The following ATP5MG variants were observed in gnomAD, a reference collection of about 807,000 sequenced individuals.
The protein encoded by ATP5MG is ATP synthase membrane subunit g.
A neutral mutation model predicts 12.7 loss-of-function variants in ATP5MG; 7 were observed. That is an observed-to-expected ratio of 0.55 (90% CI 0.31 to 1.04). The LOEUF is 1.04. Among genes scored for constraint, ATP5MG ranks in the 50% least tolerant of loss-of-function variants. The pLI, the probability that ATP5MG is intolerant of heterozygous loss-of-function variation, is 0.05. For synonymous variants in ATP5MG, 53 were observed against 48.2 expected, an observed-to-expected ratio of 1.10 and a Z score of -0.41; for missense variants, 116 against 126.7, an observed-to-expected ratio of 0.92 and a Z score of 0.41.
At chr11:118,405,680 T>C in intron 1 of ATP5MG, 4 of 985,408 alleles carry the variant, frequency 4.1e-6, no homozygotes, top group Non-Finnish European at 4.8e-6. Flanking sequence ...TGTTTGGAAC[T>C]ATCTCTTAGA....
intron 1 of ATP5MG, among the ~76,000 whole-genome samples, chr11:118,402,311 TC>T (rs1948935078): frequency 1.3e-5 from 2 of 152,016 alleles, no homozygotes; most frequent in South Asian, 4.2e-4. Context: ...TAGGACGGGA[TC>T]CGTATAAACA....
intron 1 of ATP5MG, among the ~76,000 whole-genome samples, chr11:118,404,864 CATTT>C (rs1326110419): frequency 6.6e-6 from 1 of 152,160 alleles, no homozygotes; most frequent in Non-Finnish European, 1.5e-5. Context: ...GTCTCTTCTC[CATTT>C]ATTTATCCAG....
Position 118,406,951 on chromosome 11 carries a change from T to C in ATP5MG, c.67T>C (p.Ser23Pro), listed in dbSNP as rs782180381. The part of the protein sequence containing the change: ...PALVNAAVTY[S>P]KPRLATFWYY... ...TTGTTTTCCAGCTGCTGTGACTTAC[T>C]CGAAGCCTCGATTGGCCACATTTTG... Residue 23 changes from serine (S) to proline (P), a missense_variant, in exon 2 of 3, where the codon TCG (serine) becomes CCG (proline). Physicochemically the swap from Ser to Pro is moderately conservative, Grantham distance 74. Coordinates refer to ENST00000300688, the MANE Select transcript of ATP5MG (RefSeq NM_006476.5). The C allele has an allele frequency of 3.2e-5, 51 of 1,608,736 alleles. No individual in the cohort carries two copies. The highest frequency in any genetic ancestry group is 4.2e-5 in the Non-Finnish European group (50 of 1,177,496).
intron 1 of ATP5MG, chr11:118,406,696 T>C (rs527371626): frequency 8.0e-5 from 42 of 526,914 alleles, no homozygotes; most frequent in African/African-American, 7.8e-4. Context: ...ACTGGCATAA[T>C]TGAATGTGCT....
chr11:118,403,422 G>T (rs954809501), intron 1 of ATP5MG, among the ~76,000 whole-genome samples: 1 of 152,132 alleles, frequency 6.6e-6, no homozygotes, highest in Non-Finnish European at 1.5e-5. Flanking sequence ...CTTGAACCCC[G>T]GAGGCGGAGG....
rs948271167 is a variant in ATP5MG, at chr11:118,405,697, T to G, written c.53-1240T>G. On this transcript the variant is annotated intron_variant, in intron 1 of 2. Transcript: ENST00000300688. The stretch of plus-strand genomic sequence containing the variant: ...TTTGGAACTATCTCTTAGAGCTTTG[T>G]GTCTGCTTAAAGGTATGCCCATATC... 4 of 985,250 alleles carry G rather than the reference T, an allele frequency of 4.1e-6. No individual in the cohort carries two copies. The African/African-American group carries it at 7.0e-5, about 17-fold the overall frequency. The allele number at this position is 985,250 out of a possible 1,614,324, so 61.0% of individuals were successfully genotyped here. A position where few individuals can be genotyped will look rare whatever the true frequency, so the allele number is the denominator to read the frequency against.
rs557394755 is a variant in ATP5MG at position 118,403,081 on chromosome 11, C to T, written c.52+1364C>T. ...TTGAAGGCTGTCCTGCAGAACCTCA[C>T]AGCCTACTAGTGAAACATTTTACAC... On this transcript the variant is annotated intron_variant, in intron 1 of 2. Transcript: ENST00000300688. 6.6e-5 allele frequency among the ~76,000 whole-genome samples: 10 copies of T among 152,330 alleles called. No homozygotes were observed. In the South Asian group the frequency reaches 1.9e-3, roughly 28 times the overall value.
intron 2 of ATP5MG, among the ~76,000 whole-genome samples, chr11:118,408,186 G>A (rs543449354): frequency 3.5e-4 from 54 of 152,166 alleles, no homozygotes; most frequent in African/African-American, 1.2e-3. Flanking sequence ...GGAAAGAAAA[G>A]AACTGGAACT....
At chr11:118,404,701 T>C (rs1948957635) in intron 1 of ATP5MG, among the ~76,000 whole-genome samples, 1 of 152,244 alleles carries the variant, frequency 6.6e-6, no homozygotes, top group Non-Finnish European at 1.5e-5. Context: ...GTTCCTCTAC[T>C]GTAAAGTTAC....
In ATP5MG at chr11:118,407,029, G is replaced by T; in HGVS notation, c.145G>T (p.Ala49Ser). 1 of 1,614,094 alleles carries T rather than the reference G, an allele frequency of 6.2e-7. No homozygotes were observed. The highest frequency in any genetic ancestry group is 8.5e-7 in the Non-Finnish European group (1 of 1,179,978). ...VPPTPAEIPR[A>S]IQSLKKIVNS... ...TCCCACCCCTGCTGAGATCCCTAGAGCTATTCAGAGCCTGAAAAAAATAGT... is the reference window on the plus strand; with the variant it reads ...TCCCACCCCTGCTGAGATCCCTAGATCTATTCAGAGCCTGAAAAAAATAGT... The change falls in exon 2 of 3, where the codon GCT (alanine) becomes TCT (serine). Residue 49 changes from alanine (A) to serine (S), a missense_variant. Coordinates refer to ENST00000300688, the MANE Select transcript of ATP5MG (RefSeq NM_006476.5).
chr11:118,404,235 A>G (rs1555131712), intron 1 of ATP5MG, among the ~76,000 whole-genome samples: 1 of 152,252 alleles, frequency 6.6e-6, no homozygotes, highest in African/African-American at 2.4e-5. Flanking sequence ...TTATGGAAAT[A>G]AGTAAATTTA....
In ATP5MG at chr11:118,405,862, C is replaced by T. The variant is rs538022293; in HGVS notation, c.53-1075C>T. ...ATGGGCTTTCATGCTATTTTTATTA[C>T]GTTTCTCTTGTAATTTTTGAAACAG... On this transcript the variant is annotated intron_variant, in intron 1 of 2. Transcript: ENST00000300688. Among the ~76,000 whole-genome samples, 181 of 152,206 alleles carry T rather than the reference C, an allele frequency of 1.2e-3. 1 individual carries two copies. Among genetic ancestry groups the T allele is most frequent in the African/African-American group, 3.8e-3 (158 of 41,530 alleles).
Position 118,403,686 on chromosome 11 carries a change from G to A in ATP5MG, c.52+1969G>A, listed in dbSNP as rs559300240. On this transcript the variant is annotated intron_variant, in intron 1 of 2. Coordinates refer to ENST00000300688, the MANE Select transcript of ATP5MG (RefSeq NM_006476.5). Reference sequence around the variant, plus strand: ...CAGGCGCCTATAATCCCAGCTACTCGGGAAGCTGAGGCAGGAAAATCTCTT... The same window carrying A: ...CAGGCGCCTATAATCCCAGCTACTCAGGAAGCTGAGGCAGGAAAATCTCTT... 1.8e-4 allele frequency among the ~76,000 whole-genome samples: 27 copies of A among 151,472 alleles called. No homozygotes were observed. In the South Asian group the frequency reaches 5.6e-3, roughly 32 times the overall value.
At chr11:118,403,854 G>A (rs1166404972) in intron 1 of ATP5MG, 2 of 151,744 alleles carry the variant, frequency 1.3e-5, no homozygotes, top group African/African-American at 4.8e-5. Flanking sequence ...GGACTTTGTG[G>A]GTGATTTAAG....
Position 118,401,654 on chromosome 11 carries a change from C to G in ATP5MG, c.-12C>G, listed in dbSNP as rs781807485. The G allele has an allele frequency of 1.9e-5, 31 of 1,614,018 alleles. No individual in the cohort carries two copies. Among genetic ancestry groups the G allele is most frequent in the Non-Finnish European group, 2.5e-5 (30 of 1,180,008 alleles). On this transcript the variant is annotated 5_prime_UTR_variant, in exon 1 of 3. Coordinates refer to ENST00000300688, the MANE Select transcript of ATP5MG (RefSeq NM_006476.5). ...CGGCGGTTCGGGGCGACGGACTCTC[C>G]ATTCCAGAACCATGGCCCAATTTGT...
At chr11:118,405,828 A>G in intron 1 of ATP5MG, 1 of 445,180 alleles carries the variant, frequency 2.2e-6, no homozygotes, top group Non-Finnish European at 3.0e-6. Flanking sequence ...TTTGAACAGT[A>G]GACACTTTAT....
In ATP5MG at chr11:118,401,643, G is replaced by A. The variant is rs180792561; in HGVS notation, c.-23G>A. ...TGACATTCAGCCGGCGGTTCGGGGCGACGGACTCTCCATTCCAGAACCATG... is the reference window on the plus strand; with the variant it reads ...TGACATTCAGCCGGCGGTTCGGGGCAACGGACTCTCCATTCCAGAACCATG... On this transcript the variant is annotated 5_prime_UTR_variant, in exon 1 of 3. Transcript: ENST00000300688. The A allele has an allele frequency of 4.4e-5, 71 of 1,614,056 alleles. No individual in the cohort carries two copies. The African/African-American group carries it at 6.9e-4, about 16-fold the overall frequency.
At chr11:118,408,963 A>C in intron 2 of ATP5MG, 37 bp from the exon 3 acceptor site, 1 of 804,388 alleles carries the variant, frequency 1.2e-6, no homozygotes, top group Non-Finnish European at 1.9e-6. Flanking sequence ...ATATATATAT[A>C]TAAAAGGTAC....
At chr11:118,406,366 AG>A (rs1948971687) in intron 1 of ATP5MG, 1 of 153,396 alleles carries the variant, frequency 6.5e-6, no homozygotes, top group Admixed American at 6.4e-5. Flanking sequence ...CCTTTAAAAG[AG>A]GAGCAGCTGT....
Sources: allele counts gnomAD v4.1 joint callset (sites outside exome capture counted in the v4.1 genomes callset), GRCh38; gene constraint gnomAD v4.1.1; transcripts MANE v1.5; gene names NCBI Gene and HGNC (gene_info 2026-07-23, HGNC 2026-07-21).